Variants in PLD5 observed in about 807,000 individuals in gnomAD.
The protein encoded by PLD5 is phospholipase D family member 5.
PLD5 carries 36 observed loss-of-function variants against 61.1 expected under a neutral mutation model. The observed-to-expected ratio is 0.59, with a 90% CI of 0.45 to 0.78. The LOEUF (loss-of-function observed/expected upper bound fraction) is 0.78, where lower values mean the gene tolerates loss of function less well. Ranked by LOEUF, PLD5 falls within the 30% of genes least tolerant of loss-of-function variation. The pLI is 0.00. For missense variants in PLD5, 515 were observed against 644.4 expected (o/e 0.80, Z 2.17); for synonymous variants, 243 against 242.8 (o/e 1.00, Z -0.01).
chr1:242,371,348 C>A (rs966789662), intron 1 of PLD5, among the ~76,000 whole-genome samples: 1 of 152,010 alleles, frequency 6.6e-6, no homozygotes, highest in African/African-American at 2.4e-5. Flanking sequence ...ATGAGATCTT[C>A]CTTCTCTGCT....
chr1:242,211,200 G>A (rs1022517367), intron 5 of PLD5, among the ~76,000 whole-genome samples: 1 of 152,166 alleles, frequency 6.6e-6, no homozygotes, highest in Admixed American at 6.5e-5. Context: ...TGGGAGTTCA[G>A]TCAGGCTCGT....
At chr1:242,115,543 C>T (rs1661875128) in intron 6 of PLD5, among the ~76,000 whole-genome samples, 1 of 152,100 alleles carries the variant, frequency 6.6e-6, no homozygotes, top group African/African-American at 2.4e-5. Flanking sequence ...ATAATTTTCT[C>T]AGGTGTTACT....
chr1:242,325,403 G>A (rs1658688592), intron 2 of PLD5, among the ~76,000 whole-genome samples: 1 of 145,440 alleles, frequency 6.9e-6, no homozygotes, highest in Non-Finnish European at 1.5e-5. Flanking sequence ...AGAGAGTGGG[G>A]GTTGTGGGGG....
At chr1:242,228,386 G>A (rs1671087690) in intron 4 of PLD5, among the ~76,000 whole-genome samples, 1 of 152,092 alleles carries the variant, frequency 6.6e-6, no homozygotes, top group Non-Finnish European at 1.5e-5. Flanking sequence ...AGTACCCGAG[G>A]CACCCGCAGG....
chr1:242,522,466 C>T (rs1389038199), intron 1 of PLD5, among the ~76,000 whole-genome samples: 1 of 152,172 alleles, frequency 6.6e-6, no homozygotes, highest in Non-Finnish European at 1.5e-5. Flanking sequence ...GCTCATGACT[C>T]AAGACATAGT....
At chr1:242,461,245 T>C (rs941790818) in intron 1 of PLD5, among the ~76,000 whole-genome samples, 4 of 152,330 alleles carry the variant, frequency 2.6e-5, no homozygotes, top group Middle Eastern at 3.4e-3. Context: ...ACAGGGAACA[T>C]CCCATTTTCT....
intron 4 of PLD5, among the ~76,000 whole-genome samples, chr1:242,238,332 C>T (rs1027678566): frequency 6.6e-6 from 1 of 152,158 alleles, no homozygotes; most frequent in Non-Finnish European, 1.5e-5. Flanking sequence ...CACCTGCTAC[C>T]CTCTTCCTGC....
chr1:242,112,482 C>T (rs764213725), intron 7 of PLD5, among the ~76,000 whole-genome samples: 14 of 151,978 alleles, frequency 9.2e-5, no homozygotes, highest in South Asian at 4.2e-4. Flanking sequence ...TACAGGCGTG[C>T]GCCACCACAC....
intron 3 of PLD5, among the ~76,000 whole-genome samples, chr1:242,283,239 T>G (rs1284684047): frequency 6.6e-6 from 1 of 152,038 alleles, no homozygotes; most frequent in Non-Finnish European, 1.5e-5. Flanking sequence ...GTGTGCAAAA[T>G]AAAAAAGCAC....
At chr1:242,503,389 C>G (rs1312399917) in intron 1 of PLD5, among the ~76,000 whole-genome samples, 1 of 152,178 alleles carries the variant, frequency 6.6e-6, no homozygotes, top group Non-Finnish European at 1.5e-5. Flanking sequence ...CTCCCTGAGG[C>G]CTCCTCAGAA....
intron 5 of PLD5, among the ~76,000 whole-genome samples, chr1:242,180,666 G>T (rs1667460692): frequency 6.6e-6 from 1 of 152,110 alleles, no homozygotes; most frequent in Non-Finnish European, 1.5e-5. Context: ...TATTTAATAG[G>T]TCTGTGTTGG....
intron 2 of PLD5, among the ~76,000 whole-genome samples, chr1:242,308,449 T>C (rs149633067): frequency 0.014 from 2,142 of 152,288 alleles, 37 homozygotes; most frequent in African/African-American, 0.048. Flanking sequence ...AGAGATACTT[T>C]TAAAGGTACC....
chr1:242,203,210 C>G (rs1052603740), intron 5 of PLD5, among the ~76,000 whole-genome samples: 17 of 152,082 alleles, frequency 1.1e-4, no homozygotes, highest in Admixed American at 3.9e-4. Context: ...CAAATATGCT[C>G]CCATAACCAA....
rs1398439641 is a variant in PLD5 at position 242,483,972 on chromosome 1, C to T, written c.189+40116G>A. ...TCCTGAATGAATACTGGGTACATAA[C>T]GAAATGAAGGCAGAAATAAAGATGT... On this transcript the variant is annotated intron_variant, in intron 1 of 9. Coordinates refer to ENST00000536534, the MANE Select transcript of PLD5 (RefSeq NM_001372062.1). Among the ~76,000 whole-genome samples, 713 of 149,748 alleles carry T rather than the reference C, an allele frequency of 4.8e-3. 10 individuals are homozygous for T. The highest frequency in any genetic ancestry group is 0.017 in the African/African-American group (672 of 39,160).
chr1:242,522,306 T>C (rs1669305202), intron 1 of PLD5, among the ~76,000 whole-genome samples: 1 of 152,242 alleles, frequency 6.6e-6, no homozygotes, highest in Non-Finnish European at 1.5e-5. Flanking sequence ...AATAACCACA[T>C]CTTCCTTTCC....
At chr1:242,505,345 T>A (rs1553440) in intron 1 of PLD5, among the ~76,000 whole-genome samples, 32,786 of 152,060 alleles carry the variant, frequency 0.22, 3,809 homozygotes, top group African/African-American at 0.28. Flanking sequence ...CAAGAGTAGA[T>A]TTCTGAACAA....
At chr1:242,405,432 C>T (rs1367423726) in intron 1 of PLD5, among the ~76,000 whole-genome samples, 2 of 152,034 alleles carry the variant, frequency 1.3e-5, no homozygotes, top group Non-Finnish European at 2.9e-5. Flanking sequence ...AGGATAGCAC[C>T]CAGGACAAAG....
intron 1 of PLD5, among the ~76,000 whole-genome samples, chr1:242,496,908 C>T (rs1305142596): frequency 6.6e-6 from 1 of 152,204 alleles, no homozygotes; most frequent in Admixed American, 6.5e-5. Context: ...GATAGTGCAA[C>T]TTCTAGGATG....
At chr1:242,473,543 AG>A (rs1271521774) in intron 1 of PLD5, among the ~76,000 whole-genome samples, 1 of 152,252 alleles carries the variant, frequency 6.6e-6, no homozygotes, top group Non-Finnish European at 1.5e-5. Context: ...ACATGAGTAT[AG>A]GTATGCTCTA....
Sources: allele counts gnomAD v4.1 joint callset (sites outside exome capture counted in the v4.1 genomes callset), GRCh38; gene constraint gnomAD v4.1.1; transcripts MANE v1.5; gene names NCBI Gene and HGNC (gene_info 2026-07-23, HGNC 2026-07-21).